The following FSHR variants were observed in gnomAD, a reference collection of about 807,000 sequenced individuals.
The protein encoded by FSHR is follicle-stimulating hormone receptor.
A neutral mutation model predicts 52.1 loss-of-function variants in FSHR; 46 were observed. The observed-to-expected ratio is 0.88, with a 90% CI of 0.70 to 1.13. FSHR has a LOEUF of 1.13. FSHR is among the 50% of genes most tolerant of loss of function. The probability of loss-of-function intolerance (pLI) is 0.00; values close to 1 mark genes in which losing one functional copy is unlikely to be tolerated. For missense variants in FSHR, 964 were observed against 834.6 expected, an observed-to-expected ratio of 1.16 and a Z score of -1.91; for synonymous variants, 399 against 309.6, an observed-to-expected ratio of 1.29 and a Z score of -3.03.
intron 4 of FSHR, among the ~76,000 whole-genome samples, chr2:48,996,765 C>A (rs1355694738): frequency 2.6e-5 from 4 of 152,082 alleles, no homozygotes; most frequent in Non-Finnish European, 5.9e-5. Flanking sequence ...TGTCTTTCTG[C>A]AAAAGCACAT....
intron 1 of FSHR, among the ~76,000 whole-genome samples, chr2:49,132,836 G>A (rs1420279997): frequency 6.6e-6 from 1 of 151,954 alleles, no homozygotes; most frequent in East Asian, 1.9e-4. Flanking sequence ...GAGCTCTGCT[G>A]TCCTGTTCCA....
Position 48,992,279 on chromosome 2 carries a change from C to G in FSHR, c.375-1642G>C, listed in dbSNP as rs182677396. Among the ~76,000 whole-genome samples the G allele has an allele frequency of 2.0e-5, 3 of 152,324 alleles. No homozygotes were observed. The East Asian group carries it at 5.8e-4, about 29-fold the overall frequency. On this transcript the variant is annotated intron_variant, in intron 4 of 9. Transcript: ENST00000406846. ...TACGTAACCACGAGCACAATACAGA[C>G]ATAGAACAGTGCCGTCACTTTCTAA... is the stretch of plus-strand genomic sequence containing the variant.
chr2:49,062,658 A>T (rs1558418912), intron 2 of FSHR, among the ~76,000 whole-genome samples: 1 of 152,116 alleles, frequency 6.6e-6, no homozygotes, highest in African/African-American at 2.4e-5. Flanking sequence ...TTTGGAAACT[A>T]CTCATCAAAG....
chr2:49,029,879 G>A (rs1668039960), intron 2 of FSHR, among the ~76,000 whole-genome samples: 1 of 152,138 alleles, frequency 6.6e-6, no homozygotes, highest in Non-Finnish European at 1.5e-5. Context: ...CTGGAATTCT[G>A]TGATTTTAAT....
chr2:49,099,394 C>T (rs1670944434), intron 1 of FSHR, among the ~76,000 whole-genome samples: 1 of 152,068 alleles, frequency 6.6e-6, no homozygotes, highest in African/African-American at 2.4e-5. Flanking sequence ...ATCGTGAGGC[C>T]TCCCCAGCCA....
chr2:49,047,490 A>T (rs1668704443), intron 2 of FSHR, among the ~76,000 whole-genome samples: 2 of 152,228 alleles, frequency 1.3e-5, no homozygotes, highest in Non-Finnish European at 1.5e-5. Context: ...ATTTAAGTGT[A>T]TGTACACACA....
In FSHR at chr2:49,154,514, C is replaced by G. The variant is rs1477384489; in HGVS notation, c.-97G>C. 1 of 1,294,070 alleles carries G rather than the reference C, an allele frequency of 7.7e-7. No individual in the cohort carries two copies. The highest frequency in any genetic ancestry group is 1.1e-6 in the Non-Finnish European group (1 of 902,810). 80.2% of individuals were successfully genotyped at this position (1,294,070 alleles called of 1,614,324 possible). ...ACACAGTGCCCTTATGAGAAGAGAT[C>G]TGACTTGAGAACTGGTAGGGTCATG... On this transcript the variant is annotated 5_prime_UTR_variant, in exon 1 of 10. Transcript: ENST00000406846.
At chr2:49,014,631 A>G (rs186594012) in intron 4 of FSHR, 8 of 269,242 alleles carry the variant, frequency 3.0e-5, no homozygotes, top group Non-Finnish European at 5.8e-5. Context: ...ATGTGGGTCA[A>G]TGATGAGGTC....
intron 1 of FSHR, among the ~76,000 whole-genome samples, chr2:49,112,281 T>A (rs906313872): frequency 6.6e-6 from 1 of 151,852 alleles, no homozygotes; most frequent in Admixed American, 6.6e-5. Context: ...GAAATGCCAT[T>A]TTTTTCCCTA....
At chr2:49,017,692 A>G in intron 3 of FSHR, 129 bp from the exon 4 acceptor site, 1 of 720,080 alleles carries the variant, frequency 1.4e-6, no homozygotes, top group South Asian at 1.5e-5. Flanking sequence ...TCATCCATCC[A>G]TCCATCCATC....
chr2:49,061,578 ATATATATC>A (rs1669292181), intron 2 of FSHR, among the ~76,000 whole-genome samples: 1 of 141,068 alleles, frequency 7.1e-6, no homozygotes, highest in South Asian at 2.2e-4. Flanking sequence ...ACATATTTAG[ATATATATC>A]TATATATCTA....
At chr2:49,120,189 G>A (rs144726510) in intron 1 of FSHR, among the ~76,000 whole-genome samples, 3 of 152,084 alleles carry the variant, frequency 2.0e-5, no homozygotes, top group East Asian at 1.9e-4. Context: ...GAGAATCGCC[G>A]GGGCCAGAGA....
At chr2:49,139,801 T>G (rs1672613363) in intron 1 of FSHR, among the ~76,000 whole-genome samples, 1 of 151,996 alleles carries the variant, frequency 6.6e-6, no homozygotes, top group Non-Finnish European at 1.5e-5. Context: ...GTTTCCACCA[T>G]GTTAGCCAGG....
intron 1 of FSHR, among the ~76,000 whole-genome samples, chr2:49,148,807 AAACT>A (rs1672960504): frequency 6.6e-6 from 1 of 152,072 alleles, no homozygotes; most frequent in Non-Finnish European, 1.5e-5. Flanking sequence ...AGAAATGCAC[AAACT>A]ATGCTTGAGC....
At chr2:48,964,068 A>G in intron 9 of FSHR, 102 bp from the exon 10 acceptor site, 1 of 998,222 alleles carries the variant, frequency 1.0e-6, no homozygotes, top group Non-Finnish European at 1.4e-6. Flanking sequence ...TCTTCCTGAG[A>G]TTTTTTTTTT....
intron 1 of FSHR, among the ~76,000 whole-genome samples, chr2:49,105,666 A>G (rs1671195666): frequency 6.6e-6 from 1 of 152,138 alleles, no homozygotes; most frequent in Non-Finnish European, 1.5e-5. Context: ...CAGTCTCCAC[A>G]TTGATACATT....
chr2:48,982,097 A>C (rs1675275470), intron 8 of FSHR, among the ~76,000 whole-genome samples: 1 of 152,164 alleles, frequency 6.6e-6, no homozygotes, highest in Admixed American at 6.5e-5. Context: ...CATTTTTAAA[A>C]AGCCTTTTTG....
chr2:49,009,232 G>T (rs1667181181), intron 4 of FSHR, among the ~76,000 whole-genome samples: 1 of 119,942 alleles, frequency 8.3e-6, no homozygotes, highest in African/African-American at 2.6e-5. Flanking sequence ...TCCAGTTTCA[G>T]CTTTCTACAT....
At chr2:49,060,963 G>A (rs542330935) in intron 2 of FSHR, among the ~76,000 whole-genome samples, 1 of 152,238 alleles carries the variant, frequency 6.6e-6, no homozygotes, top group South Asian at 2.1e-4. Flanking sequence ...CCTGGGAGAT[G>A]CCACTGGGTA....
Sources: gnomAD v4.1 joint callset for allele counts (sites outside exome capture counted in the v4.1 genomes callset) on GRCh38, gnomAD v4.1.1 for gene constraint, MANE v1.5 for transcripts, NCBI Gene and HGNC (gene_info 2026-07-23, HGNC 2026-07-21) for gene names.